DSEL: variants seen among roughly 807,000 people sequenced by gnomAD.
DSEL encodes dermatan sulfate epimerase like.
Under a neutral mutation model 96.6 loss-of-function variants are expected in DSEL, and 61 were observed. That is an observed-to-expected ratio of 0.63 (90% CI 0.51 to 0.78). DSEL has a LOEUF of 0.78. Ranked by LOEUF, DSEL falls within the 30% of genes least tolerant of loss-of-function variation. The pLI, the probability that DSEL is intolerant of heterozygous loss-of-function variation, is 0.00. For missense variants in DSEL, 1,320 were observed against 1,430.8 expected (o/e 0.92, Z 1.25); for synonymous variants, 514 against 502.0 (o/e 1.02, Z -0.32).
rs756755559 is a variant in DSEL, at chr18:67,511,828, G to C, written c.2781C>G (p.Val927=). The C allele has an allele frequency of 1.9e-6, 3 of 1,614,046 alleles. No individual in the cohort carries two copies. The South Asian group carries it at 3.3e-5, about 18-fold the overall frequency. The change falls in exon 2 of 2, where the codon GTC becomes GTG. Residue 927 remains valine (V), a synonymous_variant. Transcript: ENST00000310045. ...TTTGCAAATGTAATTTTGTGTCCTG[G>C]ACTAAAGACTGCAACCAGCCTCGGA... ...RLLRGWLQSL[V]QDTKLHLQNI...
rs1427179617 is a variant in DSEL at position 67,511,081 on chromosome 18, TG to T, written c.3527del (p.Pro1176GlnfsTer18). On this transcript the variant is annotated frameshift_variant, in exon 2 of 2. Transcript: ENST00000310045. LOFTEE classifies it high-confidence loss of function. ...TCTGTTTCCAAACATTAGTATTAGT[TG>T]GTGATATTTCCCCTTCATAGGGAAG... ...FYLPYEGEIS[P>X]TNTNVWKQNL... 6.2e-7 allele frequency: 1 copy of T among 1,614,116 alleles called. No individual in the cohort carries two copies. The highest frequency in any genetic ancestry group is 2.2e-5 in the East Asian group (1 of 44,872).
In DSEL at chr18:67,513,249, A is replaced by G. The variant is rs905836839; in HGVS notation, c.1360T>C (p.Tyr454His). The change falls in exon 2 of 2, where the codon TAT becomes CAT. Residue 454 changes from tyrosine to histidine, a missense_variant. Physicochemically the swap from Tyr to His is moderately conservative, Grantham distance 83. Transcript: ENST00000310045. ...AVYDIVHFQP[Y>H]SWIDGWRSFN... Reference sequence around the variant, plus strand: ...CTTCTCCACCCATCAATCCAGGAATATGGCTGAAAATGAACTATGTCATAC... The same window carrying G: ...CTTCTCCACCCATCAATCCAGGAATGTGGCTGAAAATGAACTATGTCATAC... 6.2e-7 allele frequency: 1 copy of G among 1,614,222 alleles called. No homozygotes were observed. Among genetic ancestry groups the G allele is most frequent in the African/African-American group, 1.3e-5 (1 of 75,064 alleles).
Position 67,512,186 on chromosome 18 carries a change from A to G in DSEL, c.2423T>C (p.Val808Ala), listed in dbSNP as rs1340931534. 1 of 1,614,256 alleles carries G rather than the reference A, an allele frequency of 6.2e-7. No individual in the cohort carries two copies. Among genetic ancestry groups the G allele is most frequent in the Admixed American group, 1.7e-5 (1 of 60,028 alleles). The change falls in exon 2 of 2, where the codon GTT becomes GCT. Residue 808 changes from valine to alanine, a missense_variant. By Grantham distance (64) the Val-to-Ala change is moderately conservative. This residue lies in a region of DSEL where 986 missense variants were observed against 1,066.4 expected (regional missense o/e 0.92). Coordinates refer to ENST00000310045, the MANE Select transcript of DSEL (RefSeq NM_032160.3). ...RKLMRWILIL[V>A]IALWFIELLD... ...AAGCTCAATAAACCACAAGGCAATAACAAGTATTAATATCCATCGCATTAG... is the reference window on the plus strand; with the variant it reads ...AAGCTCAATAAACCACAAGGCAATAGCAAGTATTAATATCCATCGCATTAG...
rs1324766300 is a variant in DSEL at position 67,508,085 on chromosome 18, A to C, written c.*2885T>G. On this transcript the variant is annotated 3_prime_UTR_variant, in exon 2 of 2. Coordinates refer to ENST00000310045, the MANE Select transcript of DSEL (RefSeq NM_032160.3). ...TTATTATAATAAAAGCAATTATCTC[A>C]ATTAGGCCTATGTTTGGGGAAGTTA... 1.3e-5 allele frequency: 2 copies of C among 152,280 alleles called. No homozygotes were observed. The highest frequency in any genetic ancestry group is 6.5e-5 in the Admixed American group (1 of 15,302). The allele number at this position is 152,280 out of a possible 1,614,324, so 9.4% of individuals were successfully genotyped here.
rs2089427540 is a variant in DSEL at position 67,509,165 on chromosome 18, A to G, written c.*1805T>C. ...TCAGATCTAATACTACTGACAATCC[A>G]GACTTTTTATATGTGATCTGATTCA... On this transcript the variant is annotated 3_prime_UTR_variant, in exon 2 of 2. Transcript: ENST00000310045. 1 of 152,226 alleles carries G rather than the reference A, an allele frequency of 6.6e-6. No homozygotes were observed. Among genetic ancestry groups the G allele is most frequent in the Admixed American group, 6.5e-5 (1 of 15,278 alleles). The allele number at this position is 152,226 out of a possible 1,614,324, so 9.4% of individuals were successfully genotyped here. A position where few individuals can be genotyped will look rare whatever the true frequency, so the allele number is the denominator to read the frequency against.
Position 67,512,769 on chromosome 18 carries a change from A to G in DSEL, c.1840T>C (p.Tyr614His). ...NLDIDFKYIPYKFMNRYNGAM... is the reference protein window; with the variant it reads ...NLDIDFKYIPHKFMNRYNGAM... The stretch of plus-strand genomic sequence containing the variant: ...CCATTATACCTATTCATAAACTTAT[A>G]TGGGATATATTTAAAATCAATATCC... The change falls in exon 2 of 2, where the codon TAT becomes CAT. Residue 614 changes from tyrosine (Y) to histidine (H), a missense_variant. Tyr to His is a moderately conservative substitution (Grantham distance 83). This residue lies in a region of DSEL where 986 missense variants were observed against 1,066.4 expected (regional missense o/e 0.92). Transcript: ENST00000310045. 6.2e-7 allele frequency: 1 copy of G among 1,613,920 alleles called. No homozygotes were observed. The highest frequency in any genetic ancestry group is 8.5e-7 in the Non-Finnish European group (1 of 1,179,876).
At position 67,511,968 on chromosome 18, in the gene DSEL, T is replaced by C. The variant is rs374312689; in HGVS notation, c.2641A>G (p.Ile881Val). ...LFFNSSDFLYIRVPTAYIDIP... is the reference protein window; with the variant it reads ...LFFNSSDFLYVRVPTAYIDIP... ...TCAATGTAGGCTGTAGGAACCCTGATGTAGAGAAAATCACTACTGTTGAAA... is the reference window on the plus strand; with the variant it reads ...TCAATGTAGGCTGTAGGAACCCTGACGTAGAGAAAATCACTACTGTTGAAA... The change falls in exon 2 of 2, where the codon ATC becomes GTC. Residue 881 changes from isoleucine to valine, a missense_variant. Physicochemically the swap from Ile to Val is conservative, Grantham distance 29. Around this residue, in one of 3 missense-constraint regions of DSEL, gnomAD observed 986 missense variants for 1,066.4 expected, o/e 0.92. Transcript: ENST00000310045. The C allele has an allele frequency of 1.5e-5, 25 of 1,614,200 alleles. No individual in the cohort carries two copies. The South Asian group carries it at 1.9e-4, about 12-fold the overall frequency.
At position 67,510,866 on chromosome 18, in the gene DSEL, G is replaced by GCACACA. The variant is rs3073946; in HGVS notation, c.*98_*103dup. 26 of 716,990 alleles carry GCACACA rather than the reference G, an allele frequency of 3.6e-5. No individual in the cohort carries two copies. The highest frequency in any genetic ancestry group is 4.4e-5 in the Non-Finnish European group (20 of 452,878). The allele number at this position is 716,990 out of a possible 1,614,324, so 44.4% of individuals were successfully genotyped here. On this transcript the variant is annotated 3_prime_UTR_variant, in exon 2 of 2. Transcript: ENST00000310045. ...AACAACACTGAACACATACACGCGT[G>GCACACA]CACACACACACACACACTAAAGAAT... is the stretch of plus-strand genomic sequence containing the variant.
intron 1 of DSEL, among the ~76,000 whole-genome samples, chr18:67,515,985 G>C (rs1402082096): frequency 6.6e-6 from 1 of 150,828 alleles, no homozygotes; most frequent in Admixed American, 6.6e-5. Flanking sequence ...GAACTACTCG[G>C]ACCAGTCACT....
Position 67,513,326 on chromosome 18 carries a change from T to A in DSEL, c.1283A>T (p.Gln428Leu), listed in dbSNP as rs184958886. 4.3e-6 allele frequency: 7 copies of A among 1,614,236 alleles called. No individual in the cohort carries two copies. The East Asian group carries it at 1.6e-4, about 36-fold the overall frequency. The change falls in exon 2 of 2, where the codon CAG (glutamine) becomes CTG (leucine). Residue 428 changes from glutamine to leucine, a missense_variant. Gln to Leu is a moderately radical substitution (Grantham distance 113, BLOSUM62 -2). Transcript: ENST00000310045. ...VTYGAGLPNT[Q>L]TNTFVSFKSG... Reference sequence around the variant, plus strand: ...TTTAAAAGACACAAAGGTGTTGGTCTGTGTGTTTGGCAACCCAGCCCCATA... The same window carrying A: ...TTTAAAAGACACAAAGGTGTTGGTCAGTGTGTTTGGCAACCCAGCCCCATA...
At position 67,512,584 on chromosome 18, in the gene DSEL, G is replaced by A; in HGVS notation, c.2025C>T (p.Ile675=). ...VNVTFQMEPT[I]TRIAYVFYGP... ...CATAAAAGACATATGCAATTCTTGT[G>A]ATTGTGGGTTCCATCTGAAAAGTAA... The change falls in exon 2 of 2, where the codon ATC becomes ATT. Residue 675 remains isoleucine, a synonymous_variant. Coordinates refer to ENST00000310045, the MANE Select transcript of DSEL (RefSeq NM_032160.3). 6.2e-7 allele frequency: 1 copy of A among 1,614,098 alleles called. No individual in the cohort carries two copies. Among genetic ancestry groups the A allele is most frequent in the Non-Finnish European group, 8.5e-7 (1 of 1,179,992 alleles).
chr18:67,515,846 T>C (rs1400763957), intron 1 of DSEL, among the ~76,000 whole-genome samples: 1 of 152,174 alleles, frequency 6.6e-6, no homozygotes, highest in Non-Finnish European at 1.5e-5. Context: ...CTGCTATCCT[T>C]GTTATTTCTT....
rs2089419395 is a variant in DSEL at position 67,507,917 on chromosome 18, A to G, written c.*3053T>C. 6.6e-6 allele frequency: 1 copy of G among 152,142 alleles called. No individual in the cohort carries two copies. The highest frequency in any genetic ancestry group is 1.5e-5 in the Non-Finnish European group (1 of 68,028). The allele number at this position is 152,142 out of a possible 1,614,324, so 9.4% of individuals were successfully genotyped here. On this transcript the variant is annotated 3_prime_UTR_variant, in exon 2 of 2. Coordinates refer to ENST00000310045, the MANE Select transcript of DSEL (RefSeq NM_032160.3). ...TTCCTCTGAGTTTTCATTAAATTCA[A>G]CTCTGAATATGGCCTTTTTATTTCA...
In DSEL at chr18:67,511,603, G is replaced by A; in HGVS notation, c.3006C>T (p.Leu1002=). ...ACGTCCAGCTTCCACTGCTTAAACTGAGCACAGGACGTGCACTTGGATAGT... is the reference window on the plus strand; with the variant it reads ...ACGTCCAGCTTCCACTGCTTAAACTAAGCACAGGACGTGCACTTGGATAGT... ...LVYYPSARPV[L]SLSSGSWTLK... is the part of the protein sequence containing the mutation. The change falls in exon 2 of 2, where the codon CTC becomes CTT. Residue 1002 remains leucine (L), a synonymous_variant. Transcript: ENST00000310045. 1 of 1,614,012 alleles carries A rather than the reference G, an allele frequency of 6.2e-7. No homozygotes were observed. Among genetic ancestry groups the A allele is most frequent in the East Asian group, 2.2e-5 (1 of 44,888 alleles).
At position 67,509,250 on chromosome 18, in the gene DSEL, G is replaced by C. The variant is rs2089428103; in HGVS notation, c.*1720C>G. ...GAGATTCTGCCCAATAATGGAAATA[G>C]TGTTATCAACCATGTAGCATGCAAT... On this transcript the variant is annotated 3_prime_UTR_variant, in exon 2 of 2. Transcript: ENST00000310045. 6.6e-6 allele frequency: 1 copy of C among 152,162 alleles called. No individual in the cohort carries two copies. Among genetic ancestry groups the C allele is most frequent in the Admixed American group, 6.5e-5 (1 of 15,280 alleles). The allele number at this position is 152,162 out of a possible 1,614,324, so 9.4% of individuals were successfully genotyped here. A position where few individuals can be genotyped will look rare whatever the true frequency, so the allele number is the denominator to read the frequency against.
chr18:67,510,947 A>C lies in DSEL; in HGVS notation c.*23T>G, dbSNP rs2089438104. ...GTGGGTTGGTAAGTATTATTAGTGCAAATTTCTGCTGACCTGCAGCATTTA... is the reference window on the plus strand; with the variant it reads ...GTGGGTTGGTAAGTATTATTAGTGCCAATTTCTGCTGACCTGCAGCATTTA... On this transcript the variant is annotated 3_prime_UTR_variant, in exon 2 of 2. Transcript: ENST00000310045. 3.2e-6 allele frequency: 5 copies of C among 1,538,472 alleles called. No homozygotes were observed. The highest frequency in any genetic ancestry group is 4.4e-6 in the Non-Finnish European group (5 of 1,148,814).
At position 67,510,882 on chromosome 18, in the gene DSEL, A is replaced by G; in HGVS notation, c.*88T>C. On this transcript the variant is annotated 3_prime_UTR_variant, in exon 2 of 2. Coordinates refer to ENST00000310045, the MANE Select transcript of DSEL (RefSeq NM_032160.3). ...TACACGCGTGCACACACACACACAC[A>G]CTAAAGAATAAACAAACTCTTCTGA... is the stretch of plus-strand genomic sequence containing the variant. 1 of 1,116,930 alleles carries G rather than the reference A, an allele frequency of 9.0e-7. No homozygotes were observed. The highest frequency in any genetic ancestry group is 1.3e-6 in the Non-Finnish European group (1 of 786,642). 69.2% of individuals were successfully genotyped at this position (1,116,930 alleles called of 1,614,324 possible). A position where few individuals can be genotyped will look rare whatever the true frequency, so the allele number is the denominator to read the frequency against.
In DSEL at chr18:67,512,343, C is replaced by G; in HGVS notation, c.2266G>C (p.Val756Leu). 6.2e-7 allele frequency: 1 copy of G among 1,614,202 alleles called. No individual in the cohort carries two copies. The change falls in exon 2 of 2, where the codon GTA (valine) becomes CTA (leucine). Residue 756 changes from valine to leucine, a missense_variant. By Grantham distance (32) the Val-to-Leu change is conservative (BLOSUM62 1). Transcript: ENST00000310045. Reference sequence around the variant, plus strand: ...ATCCTATCATGTCTTACAGGCTTTACTATTGCTTGAGTGCCCAAACCAAAT... The same window carrying G: ...ATCCTATCATGTCTTACAGGCTTTAGTATTGCTTGAGTGCCCAAACCAAAT... Reference protein sequence around the residue: ...TRFGLGTQAIVKPVRHDRIIF... With the variant: ...TRFGLGTQAILKPVRHDRIIF...
chr18:67,507,654 G>A lies in DSEL; in HGVS notation c.*3316C>T, dbSNP rs989204067. 4.6e-5 allele frequency: 7 copies of A among 152,186 alleles called. 1 individual carries two copies. The highest frequency in any genetic ancestry group is 4.6e-4 in the Admixed American group (7 of 15,268). The allele number at this position is 152,186 out of a possible 1,614,324, so 9.4% of individuals were successfully genotyped here. The stretch of plus-strand genomic sequence containing the variant: ...AGGTTCTTCTTTGAATACATTTGCA[G>A]AGGGCAATGTAGCAAGACCTGGGAA... On this transcript the variant is annotated 3_prime_UTR_variant, in exon 2 of 2. Coordinates refer to ENST00000310045, the MANE Select transcript of DSEL (RefSeq NM_032160.3).
Sources: gnomAD v4.1 joint callset for allele counts (sites outside exome capture counted in the v4.1 genomes callset) on GRCh38, gnomAD v4.1.1 for gene constraint, gnomAD v4.1.1 regional missense constraint, MANE v1.5 for transcripts, NCBI Gene and HGNC (gene_info 2026-07-23, HGNC 2026-07-21) for gene names.